Variants in FOXC1 observed in about 807,000 individuals in gnomAD.
FOXC1 encodes the protein forkhead box C1.
FOXC1 carries 5 observed loss-of-function variants against 8.1 expected under a neutral mutation model. The ratio of observed to expected loss-of-function variants is 0.62; its 90% CI spans 0.32 to 1.30. The LOEUF is 1.30. Ranked by LOEUF, FOXC1 falls within the 50% of genes most tolerant of loss-of-function variation. The probability of loss-of-function intolerance (pLI) is 0.05; values close to 1 mark genes in which losing one functional copy is unlikely to be tolerated. For missense variants in FOXC1, 942 were observed against 858.0 expected (o/e 1.10, Z -1.22); for synonymous variants, 552 against 417.2 (o/e 1.32, Z -3.94).
rs1581374728 is a variant in FOXC1, at chr6:1,611,636, G to A, written c.1191G>A (p.Leu397=). Residue 397 remains leucine, a synonymous_variant, in exon 1 of 1, where the codon CTG becomes CTA. Coordinates refer to ENST00000645831, the MANE Select transcript of FOXC1 (RefSeq NM_001453.3). The surrounding 1 kb of genome is among the most constrained non-coding windows in gnomAD (Gnocchi z 7.1). ...GCGCCGGGACCTACCACTGCAACCT[G>A]CAAGCCATGAGCCTGTACGCGGCCG... ...AGGAGTYHCN[L]QAMSLYAAGE... is the part of the protein sequence containing the mutation. The A allele has an allele frequency of 4.6e-6, 6 of 1,317,712 alleles. No individual in the cohort carries two copies. The South Asian group carries it at 8.1e-5, about 18-fold the overall frequency. 81.6% of individuals were successfully genotyped at this position (1,317,712 alleles called of 1,614,324 possible). A position where few individuals can be genotyped will look rare whatever the true frequency, so the allele number is the denominator to read the frequency against.
At position 1,611,534 on chromosome 6, in the gene FOXC1, C is replaced by T. The variant is rs1364012338; in HGVS notation, c.1089C>T (p.Ser363=). Residue 363 remains serine, a synonymous_variant, in exon 1 of 1, where the codon TCC becomes TCT. Transcript: ENST00000645831. The surrounding 1 kb of genome is among the most constrained non-coding windows in gnomAD (Gnocchi z 7.1). The part of the protein sequence containing the change: ...YSPGQSSLYS[S]PCSQTSSAGS... ...CCGGCCAGAGCTCCCTCTACAGCTCCCCCTGCAGCCAGACCTCCAGCGCGG... is the reference window on the plus strand; with the variant it reads ...CCGGCCAGAGCTCCCTCTACAGCTCTCCCTGCAGCCAGACCTCCAGCGCGG... The T allele has an allele frequency of 7.7e-6, 10 of 1,292,048 alleles. No homozygotes were observed. The Admixed American group carries it at 8.7e-5, about 11-fold the overall frequency. 80.0% of individuals were successfully genotyped at this position (1,292,048 alleles called of 1,614,324 possible). A position where few individuals can be genotyped will look rare whatever the true frequency, so the allele number is the denominator to read the frequency against.
In FOXC1 at chr6:1,610,386, G is replaced by C. The variant is rs1683676423; in HGVS notation, c.-60G>C. 2 of 942,748 alleles carry C rather than the reference G, an allele frequency of 2.1e-6. No homozygotes were observed. Among genetic ancestry groups the C allele is most frequent in the South Asian group, 4.7e-5 (1 of 21,228 alleles). 58.4% of individuals were successfully genotyped at this position (942,748 alleles called of 1,614,324 possible). On this transcript the variant is annotated 5_prime_UTR_variant, in exon 1 of 1. Transcript: ENST00000645831. ...CGGACTCGGCGGCCGGCGCGGCGCG[G>C]CCCGGCCCGAGCGAGGGTGGGGGGC...
rs752309038 is a variant in FOXC1, at chr6:1,610,808, C to T, written c.363C>T (p.Gly121=). 4 of 1,613,962 alleles carry T rather than the reference C, an allele frequency of 2.5e-6. No individual in the cohort carries two copies. Among genetic ancestry groups the T allele is most frequent in the African/African-American group, 2.7e-5 (2 of 74,898 alleles). ...CCTTCTACCGGGACAACAAGCAGGGCTGGCAGAACAGCATCCGCCACAACC... is the reference window on the plus strand; with the variant it reads ...CCTTCTACCGGGACAACAAGCAGGGTTGGCAGAACAGCATCCGCCACAACC... ...RFPFYRDNKQ[G]WQNSIRHNLS... is the part of the protein sequence containing the mutation. Residue 121 remains glycine (G), a synonymous_variant, in exon 1 of 1, where the codon GGC becomes GGT. Transcript: ENST00000645831.
In FOXC1 at chr6:1,610,330, G is replaced by A. The variant is rs932695458; in HGVS notation, c.-116G>A. The A allele has an allele frequency of 2.7e-5, 13 of 480,284 alleles. No individual in the cohort carries two copies. The highest frequency in any genetic ancestry group is 2.5e-4 in the African/African-American group (12 of 47,256). 29.8% of individuals were successfully genotyped at this position (480,284 alleles called of 1,614,324 possible). ...AGCGCAGCCGGACGCACAGCGCAGC[G>A]GGCCGGCACCAGCTCGGCCGGGCCC... On this transcript the variant is annotated 5_prime_UTR_variant, in exon 1 of 1. Coordinates refer to ENST00000645831, the MANE Select transcript of FOXC1 (RefSeq NM_001453.3).
chr6:1,610,620 G>C lies in FOXC1; in HGVS notation c.175G>C (p.Gly59Arg). Residue 59 changes from glycine (G) to arginine (R), a missense_variant, in exon 1 of 1, where the codon GGC becomes CGC. Transcript: ENST00000645831. ...HPAHAEQYPGGMARAYGPYTP... is the reference protein window; with the variant it reads ...HPAHAEQYPGRMARAYGPYTP... ...TGCGCACGCCGAGCAGTACCCGGGC[G>C]GCATGGCCCGCGCCTACGGGCCCTA... The C allele has an allele frequency of 6.2e-7, 1 of 1,611,388 alleles. No individual in the cohort carries two copies. Among genetic ancestry groups the C allele is most frequent in the South Asian group, 1.1e-5 (1 of 90,992 alleles).
rs1049107628 is a variant in FOXC1, at chr6:1,613,717, A to G, written c.*1610A>G. The G allele has an allele frequency of 1.3e-5, 2 of 149,794 alleles. No individual in the cohort carries two copies. Among genetic ancestry groups the G allele is most frequent in the African/African-American group, 6.1e-5 (2 of 32,706 alleles). The allele number at this position is 149,794 out of a possible 1,614,324, so 9.3% of individuals were successfully genotyped here. On this transcript the variant is annotated 3_prime_UTR_variant, in exon 1 of 1. Coordinates refer to ENST00000645831, the MANE Select transcript of FOXC1 (RefSeq NM_001453.3). ...CAGACTTTGGGGAGATGGCGATTTG[A>G]TTACAGACGTTCGGGGGGGTGGGGG...
At position 1,611,599 on chromosome 6, in the gene FOXC1, G is replaced by A. The variant is rs1215019381; in HGVS notation, c.1154G>A (p.Gly385Glu). 23 of 1,172,244 alleles carry A rather than the reference G, an allele frequency of 2.0e-5. No homozygotes were observed. The highest frequency in any genetic ancestry group is 2.4e-5 in the Non-Finnish European group (23 of 955,570). The allele number at this position is 1,172,244 out of a possible 1,614,324, so 72.6% of individuals were successfully genotyped here. A position where few individuals can be genotyped will look rare whatever the true frequency, so the allele number is the denominator to read the frequency against. Residue 385 changes from glycine (G) to glutamate (E), a missense_variant, in exon 1 of 1, where the codon GGG becomes GAG. By Grantham distance (98) the Gly-to-Glu change is moderately conservative. This residue lies in a region of FOXC1 where 726 missense variants were observed against 599.6 expected (regional missense o/e 1.21). Coordinates refer to ENST00000645831, the MANE Select transcript of FOXC1 (RefSeq NM_001453.3). The surrounding 1 kb of genome is among the most constrained non-coding windows in gnomAD (Gnocchi z 7.1). ...GGGGGGAGAA[G>E]GAGGAGTYHC... is the part of the protein sequence containing the mutation. ...GGCGGCGGCGGCGCGGGGGCCGCGGGGGGCGCGGGCGGCGCCGGGACCTAC... is the reference window on the plus strand; with the variant it reads ...GGCGGCGGCGGCGCGGGGGCCGCGGAGGGCGCGGGCGGCGCCGGGACCTAC...
rs1251445113 is a variant in FOXC1, at chr6:1,611,573, C to CGGA, written c.1130_1131insAGG (p.Gly380dup). On this transcript the variant is annotated inframe_insertion, in exon 1 of 1. Coordinates refer to ENST00000645831, the MANE Select transcript of FOXC1 (RefSeq NM_001453.3). The surrounding 1 kb of genome is among the most constrained non-coding windows in gnomAD (Gnocchi z 7.1). Reference sequence around the variant, plus strand: ...CCTCCAGCGCGGGCAGCTCGGGCGGCGGCGGCGGCGGCGCGGGGGCCGCGG... The same window carrying CGGA: ...CCTCCAGCGCGGGCAGCTCGGGCGGCGGAGGCGGCGGCGGCGCGGGGGCCGCGG... 8.7e-7 allele frequency: 1 copy of CGGA among 1,143,114 alleles called. No individual in the cohort carries two copies. The highest frequency in any genetic ancestry group is 4.9e-5 in the East Asian group (1 of 20,230). The allele number at this position is 1,143,114 out of a possible 1,614,324, so 70.8% of individuals were successfully genotyped here. A position where few individuals can be genotyped will look rare whatever the true frequency, so the allele number is the denominator to read the frequency against.
rs1400453569 is a variant in FOXC1, at chr6:1,611,033, G to T, written c.588G>T (p.Pro196=). 6 of 1,546,076 alleles carry T rather than the reference G, an allele frequency of 3.9e-6. No individual in the cohort carries two copies. The East Asian group carries it at 7.5e-5, about 19-fold the overall frequency. ...KDRLHLKEPP[P]PGRQPPPAPP... is the part of the protein sequence containing the mutation. ...GGCTGCACCTCAAGGAGCCGCCCCCGCCCGGCCGCCAGCCCCCGCCCGCGC... is the reference window on the plus strand; with the variant it reads ...GGCTGCACCTCAAGGAGCCGCCCCCTCCCGGCCGCCAGCCCCCGCCCGCGC... The change falls in exon 1 of 1, where the codon CCG becomes CCT. Residue 196 remains proline, a synonymous_variant. Transcript: ENST00000645831. The surrounding 1 kb of genome is among the most constrained non-coding windows in gnomAD (Gnocchi z 7.1).
Position 1,610,992 on chromosome 6 carries a change from A to G in FOXC1, c.547A>G (p.Lys183Glu). Residue 183 changes from lysine (K) to glutamate (E), a missense_variant, in exon 1 of 1, where the codon AAG becomes GAG. Physicochemically the swap from Lys to Glu is moderately conservative, Grantham distance 56. Transcript: ENST00000645831. ...CAAGAAGAAGGACGCGGTGAAGGAC[A>G]AGGAGGAGAAGGACAGGCTGCACCT... The part of the protein sequence containing the change: ...RFKKKDAVKD[K>E]EEKDRLHLKE... The G allele has an allele frequency of 6.2e-7, 1 of 1,611,488 alleles. No homozygotes were observed.
At position 1,611,803 on chromosome 6, in the gene FOXC1, GC is replaced by G; in HGVS notation, c.1359del (p.Gly455GlufsTer21). Reference protein sequence around the residue: ...SLSHGGGGGGGGGGQEAGHHP... With the variant: ...SLSHGGGGGGXGGGQEAGHHP... The stretch of plus-strand genomic sequence containing the variant: ...AGTCACGGCGGCGGCGGCGGCGGCG[GC>G]GGGGGAGGCCAGGAGGCCGGCCACC... On this transcript the variant is annotated frameshift_variant, in exon 1 of 1. Coordinates refer to ENST00000645831, the MANE Select transcript of FOXC1 (RefSeq NM_001453.3). LOFTEE classifies it high-confidence loss of function. The surrounding 1 kb of genome is among the most constrained non-coding windows in gnomAD (Gnocchi z 7.1). 2.0e-6 allele frequency: 3 copies of G among 1,466,222 alleles called. No individual in the cohort carries two copies. Among genetic ancestry groups the G allele is most frequent in the Non-Finnish European group, 1.8e-6 (2 of 1,113,130 alleles). The allele number at this position is 1,466,222 out of a possible 1,614,324, so 90.8% of individuals were successfully genotyped here. A position where few individuals can be genotyped will look rare whatever the true frequency, so the allele number is the denominator to read the frequency against.
Position 1,612,114 on chromosome 6 carries a change from C to G in FOXC1, c.*7C>G. 1.9e-6 allele frequency: 3 copies of G among 1,613,964 alleles called. No homozygotes were observed. Among genetic ancestry groups the G allele is most frequent in the Non-Finnish European group, 2.5e-6 (3 of 1,180,022 alleles). On this transcript the variant is annotated 3_prime_UTR_variant, in exon 1 of 1. Coordinates refer to ENST00000645831, the MANE Select transcript of FOXC1 (RefSeq NM_001453.3). ...CGACTGTAGCAAGTTTTGACACACC[C>G]TCAAAGCCGAACTAAATCGAACCCC... is the stretch of plus-strand genomic sequence containing the variant.
rs1311597906 is a variant in FOXC1 at position 1,610,477 on chromosome 6, A to G, written c.32A>G (p.Asn11Ser). 1.4e-5 allele frequency: 20 copies of G among 1,475,002 alleles called. No individual in the cohort carries two copies. Among genetic ancestry groups the G allele is most frequent in the South Asian group, 4.2e-5 (3 of 71,860 alleles). 91.4% of individuals were successfully genotyped at this position (1,475,002 alleles called of 1,614,324 possible). The part of the protein sequence containing the change: MQARYSVSSP[N>S]SLGVVPYLGG... The stretch of plus-strand genomic sequence containing the variant: ...GCGCGCTACTCCGTGTCCAGCCCCA[A>G]CTCCCTGGGAGTGGTGCCCTACCTC... The change falls in exon 1 of 1, where the codon AAC (asparagine) becomes AGC (serine). Residue 11 changes from asparagine (N) to serine (S), a missense_variant. Asn to Ser is a conservative substitution (Grantham distance 46). This residue lies in a region of FOXC1 where 190 missense variants were observed against 176.8 expected (regional missense o/e 1.07). Transcript: ENST00000645831.
Position 1,612,488 on chromosome 6 carries a change from T to A in FOXC1, c.*381T>A. The A allele has an allele frequency of 2.5e-6, 1 of 402,744 alleles. No individual in the cohort carries two copies. Among genetic ancestry groups the A allele is most frequent in the Non-Finnish European group, 4.7e-6 (1 of 212,340 alleles). 24.9% of individuals were successfully genotyped at this position (402,744 alleles called of 1,614,324 possible). A position where few individuals can be genotyped will look rare whatever the true frequency, so the allele number is the denominator to read the frequency against. On this transcript the variant is annotated 3_prime_UTR_variant, in exon 1 of 1. Transcript: ENST00000645831. ...CTCCCGTCTCCCCTCTCTTGCCTTC[T>A]TCCTTGCCTCTCACCTGTAAGATAT...
In FOXC1 at chr6:1,612,165, A is replaced by G. The variant is rs558074909; in HGVS notation, c.*58A>G. On this transcript the variant is annotated 3_prime_UTR_variant, in exon 1 of 1. Coordinates refer to ENST00000645831, the MANE Select transcript of FOXC1 (RefSeq NM_001453.3). ...AAAGCAGGAAAAGCTAAAGGAACCC[A>G]TCAAGGCAAAATCGAAACTAAAAAA... 5.0e-5 allele frequency: 81 copies of G among 1,610,476 alleles called. No individual in the cohort carries two copies. In the Middle Eastern group the frequency reaches 3.3e-3, roughly 66 times the overall value.
rs923754485 is a variant in FOXC1, at chr6:1,612,867, C to T, written c.*760C>T. ...TACTTTAATAGAGCTTTAATTATTA[C>T]GAAAAAAGATTTCAGAGATAAAACA... On this transcript the variant is annotated 3_prime_UTR_variant, in exon 1 of 1. Transcript: ENST00000645831. 9.4e-6 allele frequency: 2 copies of T among 212,938 alleles called. No homozygotes were observed. Among genetic ancestry groups the T allele is most frequent in the African/African-American group, 2.3e-5 (1 of 43,356 alleles). 13.2% of individuals were successfully genotyped at this position (212,938 alleles called of 1,614,324 possible).
rs1762512013 is a variant in FOXC1 at position 1,610,342 on chromosome 6, G to A, written c.-104G>A. 10 of 596,862 alleles carry A rather than the reference G, an allele frequency of 1.7e-5. No homozygotes were observed. Among genetic ancestry groups the A allele is most frequent in the Non-Finnish European group, 2.1e-5 (10 of 477,074 alleles). 37.0% of individuals were successfully genotyped at this position (596,862 alleles called of 1,614,324 possible). A position where few individuals can be genotyped will look rare whatever the true frequency, so the allele number is the denominator to read the frequency against. On this transcript the variant is annotated 5_prime_UTR_variant, in exon 1 of 1. Coordinates refer to ENST00000645831, the MANE Select transcript of FOXC1 (RefSeq NM_001453.3). ...CGCACAGCGCAGCGGGCCGGCACCA[G>A]CTCGGCCGGGCCCGGACTCGGACTC...
In FOXC1 at chr6:1,610,695, A is replaced by G; in HGVS notation, c.250A>G (p.Ile84Val). 1 of 1,613,858 alleles carries G rather than the reference A, an allele frequency of 6.2e-7. No individual in the cohort carries two copies. Among genetic ancestry groups the G allele is most frequent in the Non-Finnish European group, 8.5e-7 (1 of 1,179,972 alleles). Residue 84 changes from isoleucine to valine, a missense_variant, in exon 1 of 1, where the codon ATC (isoleucine) becomes GTC (valine). Physicochemically the swap from Ile to Val is conservative, Grantham distance 29. Coordinates refer to ENST00000645831, the MANE Select transcript of FOXC1 (RefSeq NM_001453.3). ...KDMVKPPYSYIALITMAIQNA... is the reference protein window; with the variant it reads ...KDMVKPPYSYVALITMAIQNA... ...CATGGTGAAGCCGCCCTATAGCTAC[A>G]TCGCGCTCATCACCATGGCCATCCA...
chr6:1,611,715 G>A lies in FOXC1; in HGVS notation c.1270G>A (p.Val424Met). Residue 424 changes from valine (V) to methionine (M), a missense_variant, in exon 1 of 1, where the codon GTG (valine) becomes ATG (methionine). Transcript: ENST00000645831. This position sits in a 1 kb window ranked among gnomAD's most constrained non-coding sequence, Gnocchi z 7.1. ...GAPGGAGGSA[V>M]DDPLPDYSLP... ...GCCCGGGGGCGCGGGCGGCTCGGCC[G>A]TGGACGACCCCCTGCCCGACTACTC... The A allele has an allele frequency of 2.7e-6, 4 of 1,456,538 alleles. No individual in the cohort carries two copies. Among genetic ancestry groups the A allele is most frequent in the Non-Finnish European group, 3.6e-6 (4 of 1,110,384 alleles). The allele number at this position is 1,456,538 out of a possible 1,614,324, so 90.2% of individuals were successfully genotyped here. A position where few individuals can be genotyped will look rare whatever the true frequency, so the allele number is the denominator to read the frequency against.
Sources: gnomAD v4.1 joint callset for allele counts on GRCh38, gnomAD v4.1.1 for gene constraint, gnomAD v4.1.1 regional missense constraint, Gnocchi (gnomAD v3.1) non-coding constraint, MANE v1.5 for transcripts, NCBI Gene and HGNC (gene_info 2026-07-23, HGNC 2026-07-21) for gene names.